LDB2: variants seen among roughly 807,000 people sequenced by gnomAD.
LDB2 encodes LIM domain binding 2.
Under a neutral mutation model 44.3 loss-of-function variants are expected in LDB2, and 12 were observed. The observed-to-expected ratio is 0.27, with a 90% confidence interval of 0.17 to 0.44. The LOEUF (loss-of-function observed/expected upper bound fraction) is 0.44, where lower values mean the gene tolerates loss of function less well. Among genes scored for constraint, LDB2 ranks in the 20% least tolerant of loss-of-function variants. The probability of loss-of-function intolerance (pLI) is 1.00; values close to 1 mark genes in which losing one functional copy is unlikely to be tolerated. For missense variants in LDB2, 344 were observed against 473.5 expected, an observed-to-expected ratio of 0.73 and a Z score of 2.54; for synonymous variants, 164 against 174.8, an observed-to-expected ratio of 0.94 and a Z score of 0.49.
intron 1 of LDB2, among the ~76,000 whole-genome samples, chr4:16,847,773 T>C (rs1030047393): frequency 2.6e-5 from 4 of 152,170 alleles, no homozygotes; most frequent in South Asian, 4.1e-4. Context: ...CCCGCCACAG[T>C]GCCCAGCTAA....
At chr4:16,816,204 C>A (rs1561327004) in intron 1 of LDB2, among the ~76,000 whole-genome samples, 1 of 151,504 alleles carries the variant, frequency 6.6e-6, no homozygotes, top group Non-Finnish European at 1.5e-5. Flanking sequence ...GACTCTGTCT[C>A]CAAAAGATAA....
At chr4:16,637,243 T>A (rs1469309433) in intron 2 of LDB2, among the ~76,000 whole-genome samples, 2 of 147,476 alleles carry the variant, frequency 1.4e-5, no homozygotes, top group Admixed American at 6.8e-5. Flanking sequence ...ACATAAGCAA[T>A]CCCAATTCTT....
chr4:16,868,945 G>T (rs191049215), intron 1 of LDB2, among the ~76,000 whole-genome samples: 2 of 152,124 alleles, frequency 1.3e-5, no homozygotes, highest in East Asian at 1.9e-4. Context: ...TGATGATGCC[G>T]GTGATGAGAA....
chr4:16,805,630 G>T (rs927180464), intron 1 of LDB2, among the ~76,000 whole-genome samples: 2 of 152,144 alleles, frequency 1.3e-5, no homozygotes, highest in Non-Finnish European at 2.9e-5. Context: ...TGAAGCCTGT[G>T]ATCAATTTGA....
intron 2 of LDB2, among the ~76,000 whole-genome samples, chr4:16,758,148 T>A (rs537824974): frequency 3.9e-5 from 6 of 152,354 alleles, no homozygotes; most frequent in African/African-American, 9.6e-5. Flanking sequence ...GCTAATAGTA[T>A]GCAAATAGCA....
At chr4:16,555,449 A>G (rs1739223805) in intron 5 of LDB2, among the ~76,000 whole-genome samples, 1 of 133,370 alleles carries the variant, frequency 7.5e-6, no homozygotes, top group Non-Finnish European at 1.5e-5. Context: ...GTGTACACAT[A>G]CATACACATA....
intron 2 of LDB2, among the ~76,000 whole-genome samples, chr4:16,726,001 T>G (rs1759371019): frequency 6.7e-6 from 1 of 150,030 alleles, no homozygotes. Flanking sequence ...TATACTTATA[T>G]ATAATTTTTA....
chr4:16,598,138 C>T (rs1010350195), intron 2 of LDB2, among the ~76,000 whole-genome samples: 13 of 152,162 alleles, frequency 8.5e-5, no homozygotes, highest in African/African-American at 2.9e-4. Context: ...CCCTTGTGTA[C>T]GTAGTCCCCT....
intron 2 of LDB2, among the ~76,000 whole-genome samples, chr4:16,625,152 CCTCT>C (rs1462998838): frequency 6.6e-6 from 1 of 152,112 alleles, no homozygotes; most frequent in Admixed American, 6.5e-5. Context: ...TCATCTCATA[CCTCT>C]CTCTAAGTCC....
At chr4:16,508,456 A>T in intron 7 of LDB2, 79 bp downstream of exon 7, 6 of 1,207,254 alleles carry the variant, frequency 5.0e-6, no homozygotes, top group East Asian at 5.7e-5. Flanking sequence ...TTTTCTAATG[A>T]AAAGAGACTT....
At chr4:16,558,863 C>T (rs537918306) in intron 5 of LDB2, among the ~76,000 whole-genome samples, 12 of 152,266 alleles carry the variant, frequency 7.9e-5, no homozygotes, top group Middle Eastern at 3.4e-3. Flanking sequence ...GCAGATCTCT[C>T]GGCAGAAACT....
chr4:16,623,771 C>T (rs918382877), intron 2 of LDB2, among the ~76,000 whole-genome samples: 3 of 151,792 alleles, frequency 2.0e-5, no homozygotes, highest in Non-Finnish European at 4.4e-5. Context: ...TACATACACA[C>T]ACACACACAC....
chr4:16,602,713 T>G (rs1014696082), intron 2 of LDB2, among the ~76,000 whole-genome samples: 1 of 152,162 alleles, frequency 6.6e-6, no homozygotes, highest in Non-Finnish European at 1.5e-5. Flanking sequence ...ACCTACCAAA[T>G]TTTTAATAAC....
chr4:16,872,964 TC>T (rs1218541967), intron 1 of LDB2, among the ~76,000 whole-genome samples: 1 of 151,890 alleles, frequency 6.6e-6, no homozygotes, highest in Non-Finnish European at 1.5e-5. Context: ...ATTCTAAGAG[TC>T]CCATTGACAG....
In LDB2 at chr4:16,898,580, C is replaced by T. The variant is rs745528545; in HGVS notation, c.-95G>A. The T allele has an allele frequency of 3.4e-5, 43 of 1,268,222 alleles. No individual in the cohort carries two copies. Among genetic ancestry groups the T allele is most frequent in the Non-Finnish European group, 4.5e-5 (41 of 904,650 alleles). The allele number at this position is 1,268,222 out of a possible 1,614,324, so 78.6% of individuals were successfully genotyped here. A position where few individuals can be genotyped will look rare whatever the true frequency, so the allele number is the denominator to read the frequency against. On this transcript the variant is annotated 5_prime_UTR_variant, in exon 1 of 8. It adds an upstream start codon to the 5' untranslated region. Transcript: ENST00000304523. ...TTCTTCCCAGTACAAAGTAGACGCACGCACACACGCTCACACACACACAGA... is the reference window on the plus strand; with the variant it reads ...TTCTTCCCAGTACAAAGTAGACGCATGCACACACGCTCACACACACACAGA...
intron 2 of LDB2, among the ~76,000 whole-genome samples, chr4:16,656,009 C>T (rs2152532652): frequency 6.7e-6 from 1 of 149,942 alleles, no homozygotes; most frequent in Middle Eastern, 3.4e-3. Context: ...ACGCCATTCT[C>T]CTGCCTCAGC....
intron 2 of LDB2, among the ~76,000 whole-genome samples, chr4:16,648,952 G>A (rs753394577): frequency 6.6e-6 from 1 of 152,036 alleles, no homozygotes; most frequent in East Asian, 1.9e-4. Flanking sequence ...GGAAGCTGAA[G>A]CCAATAATTT....
intron 1 of LDB2, among the ~76,000 whole-genome samples, chr4:16,768,093 C>T (rs577406698): frequency 2.0e-5 from 3 of 152,108 alleles, no homozygotes; most frequent in Non-Finnish European, 4.4e-5. Context: ...TTCAATTCAA[C>T]AATAATGAGA....
intron 2 of LDB2, among the ~76,000 whole-genome samples, chr4:16,617,174 A>G (rs1354358896): frequency 6.6e-6 from 1 of 152,182 alleles, no homozygotes; most frequent in Non-Finnish European, 1.5e-5. Flanking sequence ...AACCCCAGCC[A>G]GACATGAGCT....
Sources: gnomAD v4.1 joint callset for allele counts (sites outside exome capture counted in the v4.1 genomes callset) on GRCh38, gnomAD v4.1.1 for gene constraint, MANE v1.5 for transcripts, NCBI Gene and HGNC (gene_info 2026-07-23, HGNC 2026-07-21) for gene names.